RPH3AL: variants seen among roughly 807,000 people sequenced by gnomAD.
The protein encoded by RPH3AL is rabphilin 3A like (without C2 domains).
Under a neutral mutation model 43.1 loss-of-function variants are expected in RPH3AL, and 38 were observed. The ratio of observed to expected loss-of-function variants is 0.88; its 90% confidence interval spans 0.68 to 1.15. The LOEUF is 1.15. Ranked by LOEUF, RPH3AL falls within the 50% of genes most tolerant of loss-of-function variation. The probability of loss-of-function intolerance (pLI) is 0.00; values close to 1 mark genes in which losing one functional copy is unlikely to be tolerated. For missense variants in RPH3AL, 462 were observed against 423.2 expected (o/e 1.09, Z -0.81); for synonymous variants, 189 against 176.3 (o/e 1.07, Z -0.57).
rs75749836 is a variant in RPH3AL at position 308,477 on chromosome 17, G to A, written c.351+10943C>T. ...TAGACCCAAGAGAATCGAAGGCAGG[G>A]TTGCAGAGGGGTTTGCACGCTCGTG... On this transcript the variant is annotated intron_variant, in intron 5 of 9. Transcript: ENST00000331302. Among the ~76,000 whole-genome samples the A allele has an allele frequency of 2.2e-3, 337 of 152,356 alleles. 2 individuals carry two copies. Among genetic ancestry groups the A allele is most frequent in the African/African-American group, 7.9e-3 (330 of 41,584 alleles).
At position 246,385 on chromosome 17, in the gene RPH3AL, C is replaced by T. The variant is rs1473896354; in HGVS notation, c.613+726G>A. Among the ~76,000 whole-genome samples, 1 of 152,146 alleles carries T rather than the reference C, an allele frequency of 6.6e-6. No individual in the cohort carries two copies. Among genetic ancestry groups the T allele is most frequent in the Non-Finnish European group, 1.5e-5 (1 of 68,030 alleles). On this transcript the variant is annotated intron_variant, in intron 7 of 9. Coordinates refer to ENST00000331302, the MANE Select transcript of RPH3AL (RefSeq NM_006987.4). This position sits in a 1 kb window ranked among gnomAD's most constrained non-coding sequence, Gnocchi z 4.8. ...ACCCAGATGCCAGAGAGGGTAAGAG[C>T]CTGCCCTTGGATCCCAGCTCGGCCA...
intron 5 of RPH3AL, among the ~76,000 whole-genome samples, chr17:302,354 C>G (rs2043349947): frequency 6.6e-6 from 1 of 152,234 alleles, no homozygotes; most frequent in African/African-American, 2.4e-5. Context: ...GCAGGCCAGG[C>G]AGGTCCACGG....
At position 304,933 on chromosome 17, in the gene RPH3AL, GAGGGGGACAGGGCGA is replaced by G. The variant is rs1567631016; in HGVS notation, c.351+14472_351+14486del. Among the ~76,000 whole-genome samples the G allele has an allele frequency of 6.0e-3, 566 of 93,826 alleles. 110 individuals carry two copies. Among genetic ancestry groups the G allele is most frequent in the African/African-American group, 8.8e-3 (233 of 26,508 alleles). 61.6% of individuals were successfully genotyped at this position (93,826 alleles called of 152,430 possible). ...AGAGTGCAAGAGAGGCACAGGGCGA[GAGGGGGACAGGGCGA>G]GAGGGGGACAGGGCGAGAGGGGGAC... On this transcript the variant is annotated intron_variant, in intron 5 of 9. Coordinates refer to ENST00000331302, the MANE Select transcript of RPH3AL (RefSeq NM_006987.4).
At chr17:324,004 C>A (rs1233238668) in intron 3 of RPH3AL, among the ~76,000 whole-genome samples, 2 of 151,896 alleles carry the variant, frequency 1.3e-5, no homozygotes, top group African/African-American at 4.8e-5. Flanking sequence ...CTCAGTCACC[C>A]TGCAAGGCAG....
intron 7 of RPH3AL, among the ~76,000 whole-genome samples, chr17:223,754 T>C (rs1483556572): frequency 1.3e-5 from 2 of 152,220 alleles, no homozygotes; most frequent in African/African-American, 2.4e-5. Flanking sequence ...AAAGCCTTCA[T>C]GGCTCCAGCC....
intron 5 of RPH3AL, among the ~76,000 whole-genome samples, chr17:295,175 G>A (rs1344529536): frequency 3.9e-5 from 5 of 129,496 alleles, no homozygotes; most frequent in African/African-American, 1.2e-4. Context: ...AGGGACAGAG[G>A]AGCTGCAGAA....
At chr17:224,425 C>T (rs116510860) in intron 7 of RPH3AL, among the ~76,000 whole-genome samples, 1 of 152,380 alleles carries the variant, frequency 6.6e-6, no homozygotes, top group Non-Finnish European at 1.5e-5. Flanking sequence ...GCCCTGCCCA[C>T]CCGTCTTCTC....
chr17:290,354 G>A lies in RPH3AL; in HGVS notation c.352-8500C>T, dbSNP rs367545104. ...ATGGAGCATAAACCCAGGCTGGCCC[G>A]GCCACAGGGGAAATGACTCCGGGAA... On this transcript the variant is annotated intron_variant, in intron 5 of 9. Coordinates refer to ENST00000331302, the MANE Select transcript of RPH3AL (RefSeq NM_006987.4). This position sits in a 1 kb window ranked among gnomAD's most constrained non-coding sequence, Gnocchi z 4.2. Among the ~76,000 whole-genome samples the A allele has an allele frequency of 6.6e-5, 10 of 151,504 alleles. No individual in the cohort carries two copies. The highest frequency in any genetic ancestry group is 2.1e-4 in the South Asian group (1 of 4,754).
At chr17:228,712 A>G (rs2041160320) in intron 7 of RPH3AL, among the ~76,000 whole-genome samples, 1 of 151,828 alleles carries the variant, frequency 6.6e-6, no homozygotes, top group Admixed American at 6.6e-5. Flanking sequence ...CCGCTTTTCC[A>G]CCTCACCAAG....
chr17:335,581 C>T (rs956940070), intron 1 of RPH3AL, among the ~76,000 whole-genome samples: 1 of 152,158 alleles, frequency 6.6e-6, no homozygotes, highest in South Asian at 2.1e-4. Flanking sequence ...GCAGTGTTAC[C>T]CCAGCAATAT....
chr17:298,720 C>A (rs9903406), intron 5 of RPH3AL, among the ~76,000 whole-genome samples: 2 of 150,528 alleles, frequency 1.3e-5, no homozygotes, highest in Non-Finnish European at 3.0e-5. Context: ...AAAAAAAAAA[C>A]TCCCAGCCAG....
chr17:324,707 GTACC>G lies in RPH3AL; in HGVS notation c.77+2756_77+2759del, dbSNP rs757724609. Reference sequence around the variant, plus strand: ...TCTATCTATCTAGCTAGCTAGCTATGTACCTATCTATCTATCTATCTATCTATGT... The same window carrying G: ...TCTATCTATCTAGCTAGCTAGCTATGTATCTATCTATCTATCTATCTATGT... On this transcript the variant is annotated intron_variant, in intron 3 of 9. Coordinates refer to ENST00000331302, the MANE Select transcript of RPH3AL (RefSeq NM_006987.4). Among the ~76,000 whole-genome samples, 19 of 130,606 alleles carry G rather than the reference GTACC, an allele frequency of 1.5e-4. 3 individuals are homozygous for G. Among genetic ancestry groups the G allele is most frequent in the East Asian group, 7.3e-4 (3 of 4,084 alleles). The allele number at this position is 130,606 out of a possible 152,430, so 85.7% of individuals were successfully genotyped here.
At chr17:241,053 C>G (rs1302080290) in intron 7 of RPH3AL, among the ~76,000 whole-genome samples, 4 of 123,406 alleles carry the variant, frequency 3.2e-5, no homozygotes, top group Admixed American at 2.7e-4. Context: ...GAGACTCCAT[C>G]TCAATAATAA....
intron 7 of RPH3AL, among the ~76,000 whole-genome samples, chr17:243,337 C>T (rs2151535826): frequency 7.1e-6 from 1 of 139,946 alleles, no homozygotes. Context: ...ACTGATTGCC[C>T]CTCCTCTACT....
chr17:325,991 G>A (rs1301402031), intron 3 of RPH3AL, among the ~76,000 whole-genome samples: 1 of 152,250 alleles, frequency 6.6e-6, no homozygotes, highest in African/African-American at 2.4e-5. Context: ...GCATTTGGCT[G>A]CTGCTGAGAG....
At chr17:316,487 C>T (rs1322203986) in intron 5 of RPH3AL, among the ~76,000 whole-genome samples, 3 of 150,600 alleles carry the variant, frequency 2.0e-5, no homozygotes, top group African/African-American at 7.4e-5. Flanking sequence ...GCCCCACCTC[C>T]ACTGACCTGT....
At position 217,074 on chromosome 17, in the gene RPH3AL, T is replaced by C. The variant is rs376928174; in HGVS notation, c.728-1272A>G. 1.2e-4 allele frequency among the ~76,000 whole-genome samples: 18 copies of C among 144,794 alleles called. 2 individuals are homozygous for C. The East Asian group carries it at 3.9e-3, about 31-fold the overall frequency. 95.0% of individuals were successfully genotyped at this position (144,794 alleles called of 152,430 possible). On this transcript the variant is annotated intron_variant, in intron 8 of 9. Transcript: ENST00000331302. ...GCATTTCATTCCCATCTGGGGCAGT[T>C]ATTACAGAGCCCTTCTTCTGCACTA... is the stretch of plus-strand genomic sequence containing the variant.
chr17:219,192 C>CTTTTTTTTTTTTTTTTTTTTTT (rs796389217), intron 8 of RPH3AL, among the ~76,000 whole-genome samples: 1 of 58,018 alleles, frequency 1.7e-5, no homozygotes, highest in African/African-American at 7.8e-5. Context: ...ATAAACAGCA[C>CTTTTTTTTTTTTTTTTTTTTTT]TTTTTTTTTT....
intron 6 of RPH3AL, among the ~76,000 whole-genome samples, chr17:276,932 T>G (rs2042669577): frequency 6.6e-6 from 1 of 152,190 alleles, no homozygotes; most frequent in South Asian, 2.1e-4. Flanking sequence ...AAGGCAAAAA[T>G]TCTCAGAGAG....
Sources: allele counts gnomAD v4.1 joint callset (sites outside exome capture counted in the v4.1 genomes callset), GRCh38; gene constraint gnomAD v4.1.1; non-coding constraint Gnocchi (gnomAD v3.1); transcripts MANE v1.5; gene names NCBI Gene and HGNC (gene_info 2026-07-23, HGNC 2026-07-21).